Variants in MRPL44 observed in about 807,000 individuals in gnomAD.
MRPL44 encodes the protein large ribosomal subunit protein mL44.
MRPL44 carries 21 observed loss-of-function variants against 25.9 expected under a neutral mutation model. That is an observed-to-expected ratio of 0.81 (90% confidence interval 0.58 to 1.17). The LOEUF (loss-of-function observed/expected upper bound fraction) is 1.17, where lower values mean the gene tolerates loss of function less well. Ranked by LOEUF, MRPL44 falls within the 50% of genes most tolerant of loss-of-function variation. MRPL44 has a pLI of 0.00. For synonymous variants in MRPL44, 169 were observed against 151.0 expected (o/e 1.12, Z -0.87); for missense variants, 410 against 398.9 (o/e 1.03, Z -0.24).
chr2:223,956,019 T>C (rs1197699537), upstream of MRPL44, among the ~76,000 whole-genome samples: 1 of 152,256 alleles, frequency 6.6e-6, no homozygotes, highest in Non-Finnish European at 1.5e-5. Context: ...CAGAGACACC[T>C]CATTTTAACT....
the MRPL44 span, among the ~76,000 whole-genome samples, chr2:223,951,141 G>A: frequency 6.6e-6 from 1 of 152,302 alleles, no homozygotes; most frequent in South Asian, 2.1e-4. Flanking sequence ...GGAAGTGATC[G>A]ACTGTGTCAA....
chr2:223,966,105 G>A (rs990754341), intron 3 of MRPL44, among the ~76,000 whole-genome samples: 3 of 151,952 alleles, frequency 2.0e-5, no homozygotes, highest in Non-Finnish European at 4.4e-5. Flanking sequence ...GTGCGTTGGC[G>A]GGCACCTGTA....
In MRPL44 at chr2:223,960,021, G is replaced by A. The variant is rs775375950; in HGVS notation, c.648+19G>A. ...CATCAGGGTACGTAACTATTAATTG[G>A]ACATGCTTGAGATAGACAGAAGGGA... On this transcript the variant is annotated intron_variant, in intron 2 of 3. Coordinates refer to ENST00000258383, the MANE Select transcript of MRPL44 (RefSeq NM_022915.5). The A allele has an allele frequency of 7.1e-6, 11 of 1,546,720 alleles. No individual in the cohort carries two copies. In the Admixed American group the frequency reaches 1.1e-4, roughly 16 times the overall value.
chr2:223,955,547 A>C (rs1689552589), upstream of MRPL44, among the ~76,000 whole-genome samples: 1 of 152,184 alleles, frequency 6.6e-6, no homozygotes, highest in African/African-American at 2.4e-5. Flanking sequence ...CCATCATTGA[A>C]GGAATATATA....
upstream of MRPL44, chr2:223,957,403 G>A: frequency 1.9e-6 from 3 of 1,582,910 alleles, no homozygotes; most frequent in Non-Finnish European, 2.6e-6. Context: ...TCCGGGTTCC[G>A]GGGGAAGTGT....
intron 2 of MRPL44, among the ~76,000 whole-genome samples, chr2:223,961,421 A>G (rs557842662): frequency 1.3e-5 from 2 of 152,376 alleles, no homozygotes; most frequent in South Asian, 2.1e-4. Context: ...AAGAGCTAAC[A>G]GTATTACTAA....
rs1553540340 is a variant in MRPL44 at position 223,966,971 on chromosome 2, G to A, written c.936G>A (p.Arg312=). The A allele has an allele frequency of 4.3e-6, 7 of 1,614,024 alleles. No homozygotes were observed. The East Asian group carries it at 1.6e-4, about 36-fold the overall frequency. The part of the protein sequence containing the change: ...RKLYGFTENR[R]PWNYSKPKET... Reference sequence around the variant, plus strand: ...TTTATGGATTCACAGAAAATAGACGGCCGTGGAACTATTCCAAGCCCAAAG... The same window carrying A: ...TTTATGGATTCACAGAAAATAGACGACCGTGGAACTATTCCAAGCCCAAAG... Residue 312 remains arginine, a synonymous_variant, in exon 4 of 4, where the codon CGG becomes CGA. Coordinates refer to ENST00000258383, the MANE Select transcript of MRPL44 (RefSeq NM_022915.5).
chr2:223,963,499 A>G (rs1212643937), intron 2 of MRPL44, among the ~76,000 whole-genome samples: 1 of 152,174 alleles, frequency 6.6e-6, no homozygotes, highest in Non-Finnish European at 1.5e-5. Context: ...TTGGTAGATC[A>G]TACTGCTTGA....
At chr2:223,957,237 T>C (rs1251449655), upstream of MRPL44, among the ~76,000 whole-genome samples, 4 of 152,246 alleles carry the variant, frequency 2.6e-5, no homozygotes, top group East Asian at 1.9e-4. Context: ...GTCCGGATCA[T>C]TGGAAAGTAA....
At position 223,967,063 on chromosome 2, in the gene MRPL44, G is replaced by C. The variant is rs1242073638; in HGVS notation, c.*29G>C. ...CCATGGATGCAGCAGCCTGAAACTT[G>C]AGAGCGAAAGTGAGATAAATGTCAA... On this transcript the variant is annotated 3_prime_UTR_variant, in exon 4 of 4. Transcript: ENST00000258383. 6.4e-7 allele frequency: 1 copy of C among 1,559,982 alleles called. No homozygotes were observed. Among genetic ancestry groups the C allele is most frequent in the African/African-American group, 1.4e-5 (1 of 72,944 alleles).
chr2:223,966,962 A>G lies in MRPL44; in HGVS notation c.927A>G (p.Glu309=), dbSNP rs1406829031. ...VALRKLYGFT[E]NRRPWNYSKP... is the part of the protein sequence containing the mutation. ...TTAGAAAACTTTATGGATTCACAGA[A>G]AATAGACGGCCGTGGAACTATTCCA... is the stretch of plus-strand genomic sequence containing the variant. The change falls in exon 4 of 4, where the codon GAA becomes GAG. Residue 309 remains glutamate (E), a synonymous_variant. Transcript: ENST00000258383. 6.2e-7 allele frequency: 1 copy of G among 1,614,204 alleles called. No individual in the cohort carries two copies. Among genetic ancestry groups the G allele is most frequent in the Admixed American group, 1.7e-5 (1 of 60,022 alleles).
upstream of MRPL44, among the ~76,000 whole-genome samples, chr2:223,956,382 G>A (rs1294738462): frequency 1.3e-5 from 2 of 152,124 alleles, no homozygotes; most frequent in East Asian, 3.9e-4. Flanking sequence ...TATGATCCTG[G>A]CACTGAAGAT....
At chr2:223,963,307 G>A (rs887727371) in intron 2 of MRPL44, among the ~76,000 whole-genome samples, 2 of 152,206 alleles carry the variant, frequency 1.3e-5, no homozygotes, top group South Asian at 4.2e-4. Context: ...GCCGAGTATG[G>A]TGGTGTGCAC....
chr2:223,957,709 T>C, intron 1 of MRPL44, 58 bp downstream of exon 1: 1 of 1,526,724 alleles, frequency 6.5e-7, no homozygotes, highest in Non-Finnish European at 8.8e-7. Flanking sequence ...TGGGTCTTCT[T>C]CCCGCGGCGT....
At chr2:223,957,427 T>G, upstream of MRPL44, 1 of 1,611,028 alleles carries the variant, frequency 6.2e-7, no homozygotes, top group African/African-American at 1.3e-5. Context: ...ACGGGGACAC[T>G]GGCCCGACTA....
At chr2:223,963,029 G>A (rs1448081042) in intron 2 of MRPL44, among the ~76,000 whole-genome samples, 1 of 152,130 alleles carries the variant, frequency 6.6e-6, no homozygotes, top group Non-Finnish European at 1.5e-5. Flanking sequence ...ATTAATGGAG[G>A]AAGTATTGTT....
At chr2:223,957,792 C>T (rs1689595522) in intron 1 of MRPL44, 141 bp downstream of exon 1, 2 of 1,017,188 alleles carry the variant, frequency 2.0e-6, no homozygotes, top group South Asian at 1.7e-5. Flanking sequence ...GAGCTGTGGG[C>T]GCGGGGCCTG....
Position 223,957,612 on chromosome 2 carries a change from G to C in MRPL44, c.140G>C (p.Arg47Pro). Residue 47 changes from arginine to proline, a missense_variant, in exon 1 of 4, where the codon CGG becomes CCG. Physicochemically the swap from Arg to Pro is moderately radical, Grantham distance 103. Transcript: ENST00000258383. ...TTCCGCTTCCAGAAGGAGTTAGAGC[G>C]GCAGCGCCTTCTGCGGTGCCCGCCG... The part of the protein sequence containing the change: ...AAFRFQKELE[R>P]QRLLRCPPPP... The C allele has an allele frequency of 2.5e-6, 4 of 1,611,978 alleles. No individual in the cohort carries two copies. Among genetic ancestry groups the C allele is most frequent in the Non-Finnish European group, 2.5e-6 (3 of 1,179,856 alleles).
At chr2:223,960,164 G>A (rs1689635939) in intron 2 of MRPL44, among the ~76,000 whole-genome samples, 162 bp downstream of exon 2, 1 of 152,178 alleles carries the variant, frequency 6.6e-6, no homozygotes, top group South Asian at 2.1e-4. Context: ...TATTCCAGTT[G>A]TCTCTTATTA....
Sources: gnomAD v4.1 joint callset for allele counts (sites outside exome capture counted in the v4.1 genomes callset) on GRCh38, gnomAD v4.1.1 for gene constraint, MANE v1.5 for transcripts, NCBI Gene and HGNC (gene_info 2026-07-23, HGNC 2026-07-21) for gene names.